Variants in DTNA observed in about 807,000 individuals in gnomAD.
DTNA encodes the protein dystrophin-related protein 3.
A neutral mutation model predicts 100.7 loss-of-function variants in DTNA; 43 were observed. That is an observed-to-expected ratio of 0.43 (90% CI 0.33 to 0.55). The LOEUF is 0.55. Among genes scored for constraint, DTNA ranks in the 20% least tolerant of loss-of-function variants. The probability of loss-of-function intolerance (pLI) is 0.04; values close to 1 mark genes in which losing one functional copy is unlikely to be tolerated. For synonymous variants in DTNA, 349 were observed against 347.9 expected (o/e 1.00, Z -0.04); for missense variants, 798 against 953.9 (o/e 0.84, Z 2.15).
chr18:34,550,324 T>A (rs560448448), intron 1 of DTNA, among the ~76,000 whole-genome samples: 4 of 152,146 alleles, frequency 2.6e-5, no homozygotes, highest in Non-Finnish European at 5.9e-5. Flanking sequence ...CTGAGTCCAC[T>A]AGAAGGTGCA....
intron 1 of DTNA, among the ~76,000 whole-genome samples, chr18:34,532,971 A>T (rs768692020): frequency 6.6e-6 from 1 of 152,040 alleles, no homozygotes; most frequent in Non-Finnish European, 1.5e-5. Flanking sequence ...GCTCTTTACA[A>T]TACCATTAGT....
intron 3 of DTNA, among the ~76,000 whole-genome samples, chr18:34,784,808 AT>A (rs1200492692): frequency 6.6e-6 from 1 of 152,166 alleles, no homozygotes. Flanking sequence ...CTTTGAAACT[AT>A]TATGGAATCT....
intron 1 of DTNA, among the ~76,000 whole-genome samples, chr18:34,531,004 A>G (rs533937754): frequency 6.6e-5 from 10 of 152,268 alleles, no homozygotes; most frequent in African/African-American, 2.4e-4. Context: ...ATTTCTGTGC[A>G]GTCATAGAAT....
At chr18:34,495,943 A>C (rs1020857105) in intron 1 of DTNA, among the ~76,000 whole-genome samples, 1 of 151,186 alleles carries the variant, frequency 6.6e-6, no homozygotes, top group African/African-American at 2.4e-5. Context: ...GATGTCTCTT[A>C]ATTCTTCATC....
chr18:34,576,579 C>T (rs1403880642), intron 1 of DTNA, among the ~76,000 whole-genome samples: 2 of 152,168 alleles, frequency 1.3e-5, no homozygotes, highest in Non-Finnish European at 2.9e-5. Flanking sequence ...CTGGCTTAGC[C>T]TTCCAATTAG....
chr18:34,544,305 GATTA>G (rs1250921866), intron 1 of DTNA, among the ~76,000 whole-genome samples: 1 of 151,788 alleles, frequency 6.6e-6, no homozygotes, highest in Admixed American at 6.6e-5. Context: ...CTAAGTCTAT[GATTA>G]AATAAATATG....
At chr18:34,739,324 C>T (rs1407573105) in intron 1 of DTNA, among the ~76,000 whole-genome samples, 1 of 152,172 alleles carries the variant, frequency 6.6e-6, no homozygotes, top group East Asian at 1.9e-4. Context: ...GTCTTCCCCT[C>T]ACAGACCTCC....
chr18:34,494,179 A>G (rs2038908667), intron 1 of DTNA, among the ~76,000 whole-genome samples: 1 of 151,678 alleles, frequency 6.6e-6, no homozygotes, highest in African/African-American at 2.4e-5. Flanking sequence ...TCTCGGGCTG[A>G]GCTGGTGGGA....
At chr18:34,745,281 A>T (rs1181320327) in intron 1 of DTNA, among the ~76,000 whole-genome samples, 2 of 152,238 alleles carry the variant, frequency 1.3e-5, no homozygotes, top group South Asian at 2.1e-4. Flanking sequence ...CCTAGCCTAC[A>T]TCTAGTTCAA....
At chr18:34,832,329 T>C (rs1480345192) in intron 11 of DTNA, among the ~76,000 whole-genome samples, 1 of 152,238 alleles carries the variant, frequency 6.6e-6, no homozygotes, top group Non-Finnish European at 1.5e-5. Flanking sequence ...CTTCATGTAG[T>C]CCCAGAGCTC....
At chr18:34,648,069 T>G (rs2060048604) in intron 1 of DTNA, among the ~76,000 whole-genome samples, 1 of 152,130 alleles carries the variant, frequency 6.6e-6, no homozygotes, top group Non-Finnish European at 1.5e-5. Flanking sequence ...AGTTGTGTGG[T>G]GGACAACATT....
chr18:34,606,192 AGGGCTCTATTTT>A (rs2053059555), intron 1 of DTNA, among the ~76,000 whole-genome samples: 1 of 152,074 alleles, frequency 6.6e-6, no homozygotes, highest in African/African-American at 2.4e-5. Flanking sequence ...TGACAACGGG[AGGGCTCTATTTT>A]TTTTACCTAT....
intron 2 of DTNA, among the ~76,000 whole-genome samples, chr18:34,763,613 G>A (rs1345710091): frequency 6.6e-6 from 1 of 152,100 alleles, no homozygotes; most frequent in Non-Finnish European, 1.5e-5. Context: ...GATCACATTA[G>A]TTAGGAGTCC....
rs532721050 is a variant in DTNA, at chr18:34,668,949, T to G, written c.-1-87027T>G. On this transcript the variant is annotated intron_variant, in intron 1 of 19. Transcript: ENST00000283365. The stretch of plus-strand genomic sequence containing the variant: ...TGTAGATGTCTATTAGGTCCACTTG[T>G]TGCAGAGCTGAATTCAATTCCTGGA... 3.1e-3 allele frequency among the ~76,000 whole-genome samples: 474 copies of G among 152,240 alleles called. 2 individuals are homozygous for G. The highest frequency in any genetic ancestry group is 0.011 in the African/African-American group (439 of 41,558).
At chr18:34,653,404 A>G (rs770441329) in intron 1 of DTNA, among the ~76,000 whole-genome samples, 25 of 152,132 alleles carry the variant, frequency 1.6e-4, no homozygotes, top group Non-Finnish European at 2.9e-4. Flanking sequence ...AGTGACTACT[A>G]GAATTGAATT....
At chr18:34,703,226 C>T (rs1300830381) in intron 1 of DTNA, among the ~76,000 whole-genome samples, 2 of 152,094 alleles carry the variant, frequency 1.3e-5, no homozygotes, top group Non-Finnish European at 2.9e-5. Context: ...CCTACATGTA[C>T]TACAAATATA....
intron 1 of DTNA, among the ~76,000 whole-genome samples, chr18:34,639,426 G>T (rs184051882): frequency 6.6e-6 from 1 of 152,276 alleles, no homozygotes; most frequent in Admixed American, 6.5e-5. Flanking sequence ...CTTTCATGAA[G>T]CTTCTATATG....
chr18:34,740,597 C>G (rs57515018), intron 1 of DTNA, among the ~76,000 whole-genome samples: 4 of 151,882 alleles, frequency 2.6e-5, no homozygotes, highest in Non-Finnish European at 5.9e-5. Flanking sequence ...TGAGAGCAGC[C>G]TGGGTGACAT....
At chr18:34,883,375 A>C (rs946142944) in intron 21 of DTNA, among the ~76,000 whole-genome samples, 4 of 151,616 alleles carry the variant, frequency 2.6e-5, no homozygotes, top group African/African-American at 9.7e-5. Context: ...GCAGTTGCCC[A>C]ATCATAGCTC....
Sources: gnomAD v4.1 joint callset for allele counts (sites outside exome capture counted in the v4.1 genomes callset) on GRCh38, gnomAD v4.1.1 for gene constraint, MANE v1.5 for transcripts, NCBI Gene and HGNC (gene_info 2026-07-23, HGNC 2026-07-21) for gene names.